Variants in SCAI observed in about 807,000 individuals in gnomAD.
SCAI encodes the protein suppressor of cancer cell invasion.
In SCAI, 24 loss-of-function variants were observed where a neutral mutation model predicts 92.2. That is an observed-to-expected ratio of 0.26 (90% CI 0.19 to 0.37). The LOEUF (loss-of-function observed/expected upper bound fraction) is 0.37, where lower values mean the gene tolerates loss of function less well. Ranked by LOEUF, SCAI falls within the 10% of genes least tolerant of loss-of-function variation. The pLI is 1.00. For synonymous variants in SCAI, 261 were observed against 258.6 expected (o/e 1.01, Z -0.09); for missense variants, 450 against 736.2 (o/e 0.61, Z 4.50).
intron 12 of SCAI, among the ~76,000 whole-genome samples, chr9:125,000,679 T>C (rs1221281677): frequency 6.6e-6 from 1 of 150,896 alleles, no homozygotes; most frequent in Non-Finnish European, 1.5e-5. Context: ...CATAAGTAAA[T>C]ACAATTTTAA....
intron 2 of SCAI, among the ~76,000 whole-genome samples, chr9:125,092,566 CTTCT>C (rs148678165): frequency 0.033 from 5,035 of 152,190 alleles, 236 homozygotes; most frequent in African/African-American, 0.11. Flanking sequence ...TTCTGTCTTC[CTTCT>C]ATTATCTTGA....
At chr9:125,098,649 G>T (rs1319715589) in intron 2 of SCAI, among the ~76,000 whole-genome samples, 1 of 152,182 alleles carries the variant, frequency 6.6e-6, no homozygotes, top group Non-Finnish European at 1.5e-5. Flanking sequence ...GCTGCAAGAT[G>T]CAGTCACACT....
At chr9:125,093,108 C>T (rs1834470746) in intron 2 of SCAI, among the ~76,000 whole-genome samples, 1 of 152,204 alleles carries the variant, frequency 6.6e-6, no homozygotes, top group South Asian at 2.1e-4. Context: ...TGCCTATAAT[C>T]CCAACACTTT....
chr9:125,064,971 TA>T (rs1833846169), intron 2 of SCAI, among the ~76,000 whole-genome samples: 1 of 152,118 alleles, frequency 6.6e-6, no homozygotes, highest in African/African-American at 2.4e-5. Flanking sequence ...CAATGAAAAT[TA>T]AAGCTTATAG....
At chr9:125,138,467 T>C (rs1588258116) in intron 2 of SCAI, among the ~76,000 whole-genome samples, 2 of 151,356 alleles carry the variant, frequency 1.3e-5, no homozygotes, top group African/African-American at 4.9e-5. Flanking sequence ...CAGGCTGGAG[T>C]GCAGTGGTAT....
chr9:125,047,057 A>G (rs1325803209), intron 3 of SCAI, among the ~76,000 whole-genome samples: 1 of 152,206 alleles, frequency 6.6e-6, no homozygotes, highest in East Asian at 1.9e-4. Flanking sequence ...ACATTTCAAT[A>G]AAACCAAGGG....
At chr9:125,069,277 T>C (rs1833931007) in intron 2 of SCAI, among the ~76,000 whole-genome samples, 1 of 151,652 alleles carries the variant, frequency 6.6e-6, no homozygotes, top group Non-Finnish European at 1.5e-5. Flanking sequence ...AGAGCATTTA[T>C]GGAAATCACA....
intron 2 of SCAI, among the ~76,000 whole-genome samples, chr9:125,061,195 G>A (rs914273673): frequency 6.6e-6 from 1 of 152,156 alleles, no homozygotes; most frequent in Non-Finnish European, 1.5e-5. Context: ...CACTCTGGAG[G>A]CTGAGGCAGG....
chr9:125,096,449 T>G (rs1196020842), intron 2 of SCAI, among the ~76,000 whole-genome samples: 1 of 152,208 alleles, frequency 6.6e-6, no homozygotes, highest in Non-Finnish European at 1.5e-5. Context: ...TAGCAATTAC[T>G]GATGGGTATG....
At chr9:125,101,979 C>G (rs1334702512) in intron 2 of SCAI, among the ~76,000 whole-genome samples, 1 of 152,168 alleles carries the variant, frequency 6.6e-6, no homozygotes, top group Non-Finnish European at 1.5e-5. Context: ...ATGTTGTAGG[C>G]ACATACTGGT....
At chr9:125,127,523 C>T (rs767360749) in intron 2 of SCAI, among the ~76,000 whole-genome samples, 6 of 151,780 alleles carry the variant, frequency 4.0e-5, no homozygotes, top group Non-Finnish European at 8.8e-5. Context: ...AGCCACCACA[C>T]CTGCCCCCAA....
intron 2 of SCAI, among the ~76,000 whole-genome samples, chr9:125,129,828 T>C (rs1008111237): frequency 6.6e-6 from 1 of 152,048 alleles, no homozygotes; most frequent in Admixed American, 6.6e-5. Flanking sequence ...CCGATTACTA[T>C]GGGTTCCTAA....
chr9:125,024,596 A>C lies in SCAI; in HGVS notation c.512+2216T>G, dbSNP rs1293858724. ...GGCCATTTTTTTTAAGCTCTTAACA[A>C]ACTTCTGGACTCCAGAATTCTAGCC... is the stretch of plus-strand genomic sequence containing the variant. On this transcript the variant is annotated intron_variant, in intron 6 of 17. Transcript: ENST00000336505. Among the ~76,000 whole-genome samples the C allele has an allele frequency of 2.0e-5, 3 of 152,032 alleles. No homozygotes were observed. The East Asian group carries it at 5.8e-4, about 29-fold the overall frequency.
At chr9:125,001,437 G>A (rs960445291) in intron 12 of SCAI, among the ~76,000 whole-genome samples, 10 of 152,078 alleles carry the variant, frequency 6.6e-5, no homozygotes, top group South Asian at 6.2e-4. Flanking sequence ...ACAGCATCCC[G>A]ATATTCTACA....
At chr9:124,970,275 G>A (rs1831632276) in intron 17 of SCAI, among the ~76,000 whole-genome samples, 1 of 152,142 alleles carries the variant, frequency 6.6e-6, no homozygotes, top group Admixed American at 6.6e-5. Flanking sequence ...AAATGAATGA[G>A]TGAAAGCTAT....
At chr9:125,004,773 ATATATATTTTTTTTTTTTT>A (rs1197457629) in intron 9 of SCAI, among the ~76,000 whole-genome samples, 9 of 9,748 alleles carry the variant, frequency 9.2e-4, no homozygotes, top group African/African-American at 2.7e-3. Context: ...ATATATATAT[ATATATATTTTTTTTTTTTT>A]TTTTTTTTTT....
At chr9:125,003,348 C>G in intron 10 of SCAI, 121 bp downstream of exon 10, 3 of 992,898 alleles carry the variant, frequency 3.0e-6, no homozygotes, top group Non-Finnish European at 4.8e-6. Context: ...ATCTATTTCT[C>G]CATGTCTCAT....
intron 17 of SCAI, among the ~76,000 whole-genome samples, chr9:124,964,589 C>A (rs992385054): frequency 2.6e-5 from 4 of 152,140 alleles, no homozygotes; most frequent in African/African-American, 7.2e-5. Flanking sequence ...GTGTAATGAA[C>A]CTTAAAGGTC....
chr9:125,044,494 C>T (rs1304972342), intron 3 of SCAI, among the ~76,000 whole-genome samples: 2 of 152,038 alleles, frequency 1.3e-5, no homozygotes, highest in Non-Finnish European at 2.9e-5. Context: ...TGGACACTTG[C>T]CTGGACAACC....
Sources: allele counts gnomAD v4.1 joint callset (sites outside exome capture counted in the v4.1 genomes callset), GRCh38; gene constraint gnomAD v4.1.1; transcripts MANE v1.5; gene names NCBI Gene and HGNC (gene_info 2026-07-23, HGNC 2026-07-21).